Variants in PRKN observed in about 807,000 individuals in gnomAD.
PRKN encodes the protein E3 ubiquitin-protein ligase parkin.
Under a neutral mutation model 59.5 loss-of-function variants are expected in PRKN, and 56 were observed. That is an observed-to-expected ratio of 0.94 (90% CI 0.76 to 1.18). The LOEUF is 1.18. PRKN is among the 50% of genes most tolerant of loss of function. The pLI, the probability that PRKN is intolerant of heterozygous loss-of-function variation, is 0.00. For synonymous variants in PRKN, 250 were observed against 222.1 expected (o/e 1.13, Z -1.12); for missense variants, 657 against 596.4 (o/e 1.10, Z -1.06).
At chr6:161,729,740 C>T (rs1486859551) in intron 7 of PRKN, among the ~76,000 whole-genome samples, 1 of 152,226 alleles carries the variant, frequency 6.6e-6, no homozygotes, top group Admixed American at 6.5e-5. Flanking sequence ...GGACTTCATT[C>T]TAAGGCTTTT....
At chr6:161,534,416 G>T (rs535221173) in intron 9 of PRKN, among the ~76,000 whole-genome samples, 6 of 152,268 alleles carry the variant, frequency 3.9e-5, no homozygotes, top group Admixed American at 1.3e-4. Flanking sequence ...TCGTTGCTGA[G>T]GATACAAAAA....
intron 7 of PRKN, among the ~76,000 whole-genome samples, chr6:161,773,320 T>C (rs990072286): frequency 2.8e-4 from 42 of 152,202 alleles, no homozygotes; most frequent in African/African-American, 1.0e-3. Flanking sequence ...TACGTTAGAA[T>C]CCTCCCAGCC....
intron 6 of PRKN, among the ~76,000 whole-genome samples, chr6:161,885,902 C>T (rs914938051): frequency 6.6e-6 from 1 of 152,136 alleles, no homozygotes; most frequent in Non-Finnish European, 1.5e-5. Flanking sequence ...TTTCATCACA[C>T]AAGGAGGTGG....
At chr6:162,246,784 G>T (rs558154326) in intron 3 of PRKN, among the ~76,000 whole-genome samples, 4 of 152,050 alleles carry the variant, frequency 2.6e-5, no homozygotes, top group Non-Finnish European at 5.9e-5. Context: ...ACAAAATCTT[G>T]CATTACAGTG....
chr6:162,611,697 A>G (rs1459465441), intron 1 of PRKN, among the ~76,000 whole-genome samples: 3 of 152,214 alleles, frequency 2.0e-5, no homozygotes, highest in African/African-American at 7.2e-5. Context: ...AGAAAGGTCC[A>G]GTTCCACTTG....
chr6:162,463,514 C>T (rs1011912538), intron 1 of PRKN, among the ~76,000 whole-genome samples: 1 of 152,176 alleles, frequency 6.6e-6, no homozygotes. Flanking sequence ...TGCTTCCTGT[C>T]TGTCATAAAA....
Position 161,578,047 on chromosome 6 carries a change from C to G in PRKN, c.872-8631G>C, listed in dbSNP as rs987228054. Among the ~76,000 whole-genome samples the G allele has an allele frequency of 2.6e-5, 4 of 152,078 alleles. No homozygotes were observed. Among genetic ancestry groups the G allele is most frequent in the African/African-American group, 4.8e-5 (2 of 41,424 alleles). ...ATGAATCAGACAGGGATTCTGCCTT[C>G]CTGGAGCTTGCAGAAGAAATAAGAC... is the stretch of plus-strand genomic sequence containing the variant. On this transcript the variant is annotated intron_variant, in intron 7 of 11. Coordinates refer to ENST00000366898, the MANE Select transcript of PRKN (RefSeq NM_004562.3). This position sits in a 1 kb window ranked among gnomAD's most constrained non-coding sequence, Gnocchi z 4.2.
intron 2 of PRKN, chr6:162,269,956 T>A (rs1347129072): frequency 6.6e-6 from 1 of 152,158 alleles, no homozygotes. Flanking sequence ...CAGAAAATAG[T>A]GTGGAGATTC....
At chr6:162,560,597 T>C (rs538761581) in intron 1 of PRKN, among the ~76,000 whole-genome samples, 1 of 152,226 alleles carries the variant, frequency 6.6e-6, no homozygotes, top group South Asian at 2.1e-4. Flanking sequence ...AAAACATAAA[T>C]TTGAACTAAT....
At chr6:161,721,139 T>C (rs377695563) in intron 7 of PRKN, among the ~76,000 whole-genome samples, 1 of 152,338 alleles carries the variant, frequency 6.6e-6, no homozygotes, top group East Asian at 1.9e-4. Context: ...TAAATTGTTA[T>C]TGTTGTTATT....
chr6:162,169,879 T>C (rs1480580069), intron 4 of PRKN, among the ~76,000 whole-genome samples: 2 of 152,158 alleles, frequency 1.3e-5, no homozygotes, highest in Admixed American at 1.3e-4. Context: ...TAGGAGGATA[T>C]GGGGGAAAAT....
Position 162,702,177 on chromosome 6 carries a change from G to A in PRKN, c.7+25485C>T, listed in dbSNP as rs555864766. ...ATACATTAACATTTATTTAAAATCT[G>A]CATATTAATGAACTTCAAGTATTGC... On this transcript the variant is annotated intron_variant, in intron 1 of 11. Coordinates refer to ENST00000366898, the MANE Select transcript of PRKN (RefSeq NM_004562.3). 9.2e-5 allele frequency among the ~76,000 whole-genome samples: 14 copies of A among 152,162 alleles called. No individual in the cohort carries two copies. In the South Asian group the frequency reaches 2.9e-3, roughly 32 times the overall value.
intron 9 of PRKN, among the ~76,000 whole-genome samples, chr6:161,516,239 G>A (rs985233440): frequency 1.5e-4 from 23 of 151,938 alleles, no homozygotes; most frequent in African/African-American, 5.6e-4. Context: ...CCTGAGGCCA[G>A]GAGTTTGAGA....
intron 6 of PRKN, among the ~76,000 whole-genome samples, chr6:161,868,251 A>T (rs2128226091): frequency 6.6e-6 from 1 of 151,992 alleles, no homozygotes; most frequent in East Asian, 1.9e-4. Context: ...AAGACGCAAG[A>T]TCCTAAAATA....
At chr6:162,098,959 C>T (rs779158672) in intron 4 of PRKN, among the ~76,000 whole-genome samples, 7 of 152,072 alleles carry the variant, frequency 4.6e-5, no homozygotes, top group Non-Finnish European at 7.4e-5. Flanking sequence ...ATCTGGAGTC[C>T]GTTACACTTG....
At chr6:162,638,488 A>G (rs1340224081) in intron 1 of PRKN, among the ~76,000 whole-genome samples, 33 of 152,164 alleles carry the variant, frequency 2.2e-4, no homozygotes, top group Admixed American at 2.2e-3. Context: ...CTAACATTTT[A>G]TACCCTTCCG....
At chr6:162,639,176 G>T (rs1403319761) in intron 1 of PRKN, among the ~76,000 whole-genome samples, 1 of 152,006 alleles carries the variant, frequency 6.6e-6, no homozygotes, top group East Asian at 1.9e-4. Flanking sequence ...CTGATTCACC[G>T]CATGCTTATC....
intron 6 of PRKN, among the ~76,000 whole-genome samples, chr6:161,927,544 G>C: frequency 6.6e-6 from 1 of 152,174 alleles, no homozygotes; most frequent in East Asian, 1.9e-4. Flanking sequence ...TAAGGGAAAT[G>C]TTATTAGTTT....
At chr6:161,767,901 T>A (rs1583133392) in intron 7 of PRKN, among the ~76,000 whole-genome samples, 1 of 152,102 alleles carries the variant, frequency 6.6e-6, no homozygotes, top group East Asian at 1.9e-4. Flanking sequence ...CCCTAGAGTA[T>A]CCATGTTATC....
Sources: gnomAD v4.1 joint callset for allele counts (sites outside exome capture counted in the v4.1 genomes callset) on GRCh38, gnomAD v4.1.1 for gene constraint, Gnocchi (gnomAD v3.1) non-coding constraint, MANE v1.5 for transcripts, NCBI Gene and HGNC (gene_info 2026-07-23, HGNC 2026-07-21) for gene names.